NPEPPS: variants seen among roughly 807,000 people sequenced by gnomAD.
NPEPPS encodes aminopeptidase puromycin sensitive.
In NPEPPS, 14 loss-of-function variants were observed where a neutral mutation model predicts 115.5. The observed-to-expected ratio is 0.12, with a 90% CI of 0.08 to 0.19. NPEPPS has a LOEUF of 0.19. Among genes scored for constraint, NPEPPS ranks in the 10% least tolerant of loss-of-function variants. NPEPPS has a pLI of 1.00. For synonymous variants in NPEPPS, 285 were observed against 390.6 expected (o/e 0.73, Z 3.19); for missense variants, 523 against 1,110.8 (o/e 0.47, Z 7.52).
At chr17:47,563,966 C>T (rs558884767) in intron 2 of NPEPPS, among the ~76,000 whole-genome samples, 20 of 152,056 alleles carry the variant, frequency 1.3e-4, no homozygotes, top group African/African-American at 4.6e-4. Context: ...TGGAGTCTCA[C>T]TCTGTTGCCC....
At chr17:47,535,499 C>T (rs1301604791) in intron 1 of NPEPPS, among the ~76,000 whole-genome samples, 5 of 145,228 alleles carry the variant, frequency 3.4e-5, no homozygotes, top group South Asian at 2.2e-4. Flanking sequence ...TGCAGTGAGC[C>T]GAGATCGCGC....
intron 1 of NPEPPS, among the ~76,000 whole-genome samples, chr17:47,523,996 CTTTTT>C (rs941370799): frequency 7.2e-6 from 1 of 139,208 alleles, no homozygotes; most frequent in Non-Finnish European, 1.5e-5. Context: ...CTTTCTTAAA[CTTTTT>C]TTTTTTTAAG....
intron 16 of NPEPPS, among the ~76,000 whole-genome samples, chr17:47,604,746 C>T (rs1567867704): frequency 6.6e-6 from 1 of 152,130 alleles, no homozygotes; most frequent in Non-Finnish European, 1.5e-5. Flanking sequence ...GAGACCTGTC[C>T]CAGGAGAGTG....
intron 2 of NPEPPS, among the ~76,000 whole-genome samples, chr17:47,549,129 C>T (rs1249023517): frequency 4.0e-5 from 6 of 150,828 alleles, no homozygotes; most frequent in Admixed American, 6.6e-5. Context: ...TGGATCATGA[C>T]GTCAGAAGTT....
intron 17 of NPEPPS, 135 bp from the exon 18 acceptor site, chr17:47,612,325 C>T (rs1466689160): frequency 1.3e-6 from 1 of 783,624 alleles, no homozygotes; most frequent in Non-Finnish European, 2.0e-6. Context: ...AGTATTCTCT[C>T]AGGTATTAAG....
chr17:47,531,683 C>T, intron 1 of NPEPPS, 128 bp downstream of exon 1: 1 of 1,208,640 alleles, frequency 8.3e-7, no homozygotes, highest in Non-Finnish European at 1.0e-6. Context: ...CCGCAGGGCG[C>T]CGGGTTCGGC....
intron 2 of NPEPPS, among the ~76,000 whole-genome samples, chr17:47,562,276 G>A (rs1442697369): frequency 1.3e-5 from 2 of 152,190 alleles, no homozygotes; most frequent in African/African-American, 4.8e-5. Flanking sequence ...GTCTGAAGTG[G>A]GGGCAGTCTT....
chr17:47,621,001 G>A (rs1426305616), intron 22 of NPEPPS, among the ~76,000 whole-genome samples: 2 of 151,934 alleles, frequency 1.3e-5, no homozygotes, highest in Admixed American at 6.6e-5. Flanking sequence ...TGGGCAACAT[G>A]GTAGGACCCC....
Position 47,538,242 on chromosome 17 carries a change from C to G in NPEPPS, c.255+6687C>G, listed in dbSNP as rs1000820832. Among the ~76,000 whole-genome samples, 20 of 88,308 alleles carry G rather than the reference C, an allele frequency of 2.3e-4. 1 individual carries two copies. The highest frequency in any genetic ancestry group is 4.2e-4 in the Non-Finnish European group (19 of 45,724). The allele number at this position is 88,308 out of a possible 152,430, so 57.9% of individuals were successfully genotyped here. A position where few individuals can be genotyped will look rare whatever the true frequency, so the allele number is the denominator to read the frequency against. On this transcript the variant is annotated intron_variant, in intron 1 of 22. Transcript: ENST00000322157. ...TTTTTTTTTGAGACAGAGTCTCACT[C>G]TGTTGCCTAGGCCAGGCTGGAGTGT... is the stretch of plus-strand genomic sequence containing the variant.
chr17:47,573,006 C>G (rs143687448), intron 3 of NPEPPS, among the ~76,000 whole-genome samples: 46 of 152,258 alleles, frequency 3.0e-4, no homozygotes, highest in African/African-American at 6.3e-4. Flanking sequence ...GAACTCCAGA[C>G]CTTAGGTGAT....
chr17:47,619,679 TG>T, intron 21 of NPEPPS, 57 bp from the exon 22 acceptor site: 1 of 1,357,986 alleles, frequency 7.4e-7, no homozygotes, highest in Non-Finnish European at 1.1e-6. Context: ...TTAGGGTAAA[TG>T]GAAGTTTGTT....
intron 1 of NPEPPS, among the ~76,000 whole-genome samples, chr17:47,540,456 T>G (rs1908666144): frequency 1.3e-5 from 2 of 152,184 alleles, no homozygotes; most frequent in Non-Finnish European, 2.9e-5. Context: ...AGGTGGGAAA[T>G]CATGTACTAC....
At chr17:47,540,324 T>G (rs1908657772) in intron 1 of NPEPPS, among the ~76,000 whole-genome samples, 1 of 152,134 alleles carries the variant, frequency 6.6e-6, no homozygotes. Context: ...TATGCCAACC[T>G]TGTTTCACTT....
chr17:47,563,221 G>A (rs1030579272), intron 2 of NPEPPS, among the ~76,000 whole-genome samples: 8 of 151,878 alleles, frequency 5.3e-5, no homozygotes, highest in African/African-American at 1.7e-4. Flanking sequence ...TAGTAGTAAT[G>A]GAGTTTCACC....
intron 21 of NPEPPS, 149 bp downstream of exon 21, chr17:47,619,313 G>T: frequency 1.3e-6 from 1 of 769,348 alleles, no homozygotes; most frequent in African/African-American, 1.7e-5. Flanking sequence ...CAGCACTTTG[G>T]GACGCCGAGG....
intron 17 of NPEPPS, among the ~76,000 whole-genome samples, chr17:47,607,314 G>A (rs958943785): frequency 1.3e-5 from 2 of 152,120 alleles, no homozygotes; most frequent in Admixed American, 6.5e-5. Flanking sequence ...CATGGAGAGA[G>A]TTTTGAGGCT....
At chr17:47,601,242 A>C (rs1300966417) in intron 14 of NPEPPS, among the ~76,000 whole-genome samples, 1 of 152,066 alleles carries the variant, frequency 6.6e-6, no homozygotes, top group Non-Finnish European at 1.5e-5. Context: ...CTCCAAAAAA[A>C]AATATACATA....
chr17:47,599,067 G>A (rs1204565914), intron 13 of NPEPPS, among the ~76,000 whole-genome samples: 1 of 152,174 alleles, frequency 6.6e-6, no homozygotes, highest in African/African-American at 2.4e-5. Flanking sequence ...AAGAATAGGA[G>A]AGCTGTGTAA....
At chr17:47,568,248 C>G (rs1910959048) in intron 2 of NPEPPS, among the ~76,000 whole-genome samples, 2 of 151,778 alleles carry the variant, frequency 1.3e-5, no homozygotes, top group Admixed American at 6.6e-5. Context: ...ACTGCAACCT[C>G]CGCCTCCTGA....
Sources: allele counts gnomAD v4.1 joint callset (sites outside exome capture counted in the v4.1 genomes callset), GRCh38; gene constraint gnomAD v4.1.1; transcripts MANE v1.5; gene names NCBI Gene and HGNC (gene_info 2026-07-23, HGNC 2026-07-21).